SYN1: variants seen among roughly 807,000 people sequenced by gnomAD.
The protein encoded by SYN1 is synapsin I, also known as synapsin-1.
Under a neutral mutation model 44.6 loss-of-function variants are expected in SYN1, and 8 were observed. The observed-to-expected ratio is 0.18, with a 90% CI of 0.11 to 0.32. The LOEUF (loss-of-function observed/expected upper bound fraction) is 0.32. SYN1 is among the 10% of genes least tolerant of loss of function. SYN1 has a pLI of 1.00. For missense variants in SYN1, 451 were observed against 639.4 expected (o/e 0.71, Z 3.18); for synonymous variants, 275 against 280.1 (o/e 0.98, Z 0.18).
chrX:47,618,537 G>A (rs1441519099), intron 1 of SYN1, among the ~76,000 whole-genome samples: 1 of 111,729 alleles, frequency 9.0e-6, no homozygotes, highest in Non-Finnish European at 1.9e-5. Context: ...GTTCAAAACT[G>A]CTCATGGAAC....
chrX:47,599,505 C>T (rs1490548933), intron 5 of SYN1, among the ~76,000 whole-genome samples: 1 of 112,747 alleles, frequency 8.9e-6, no homozygotes, highest in Non-Finnish European at 1.9e-5. Flanking sequence ...CTTCATCCAA[C>T]GACTGTTCAA....
At chrX:47,603,368 T>A (rs1045462296) in intron 5 of SYN1, among the ~76,000 whole-genome samples, 1 of 110,983 alleles carries the variant, frequency 9.0e-6, no homozygotes, top group Non-Finnish European at 1.9e-5. Context: ...GGCTGATTTT[T>A]AAATTTTTTG....
intron 5 of SYN1, among the ~76,000 whole-genome samples, chrX:47,580,699 G>A (rs1396188724): frequency 1.8e-5 from 2 of 110,401 alleles, no homozygotes; most frequent in African/African-American, 3.3e-5. Flanking sequence ...ACTTTGGGAG[G>A]TCGAGGCAGG....
Position 47,572,657 on chromosome X carries a change from C to A in SYN1, c.*207G>T. 2.1e-6 allele frequency: 1 copy of A among 469,735 alleles called. No individual in the cohort carries two copies. Among genetic ancestry groups the A allele is most frequent in the Non-Finnish European group, 3.5e-6 (1 of 283,085 alleles). The allele number at this position is 469,735 out of a possible 1,213,427, so 38.7% of individuals were successfully genotyped here. A position where few individuals can be genotyped will look rare whatever the true frequency, so the allele number is the denominator to read the frequency against. ...GACCACGAGTGGGGTTCTAAAAGGA[C>A]TTGGGGATTCCACATGTGAGAACCG... is the stretch of plus-strand genomic sequence containing the variant. On this transcript the variant is annotated 3_prime_UTR_variant, in exon 13 of 13. Coordinates refer to ENST00000295987, the MANE Select transcript of SYN1 (RefSeq NM_006950.3).
At chrX:47,594,407 A>G (rs2057857617) in intron 5 of SYN1, among the ~76,000 whole-genome samples, 1 of 108,995 alleles carries the variant, frequency 9.2e-6, no homozygotes, top group Admixed American at 9.8e-5. Flanking sequence ...GGTGGCACAC[A>G]CCTGTAGTCC....
chrX:47,619,327 G>A (rs1477778618), intron 1 of SYN1, 25 bp downstream of exon 1: 16 of 1,200,299 alleles, frequency 1.3e-5, no homozygotes, highest in South Asian at 1.8e-5. Flanking sequence ...CAGGCCCACG[G>A]GAGACGTCCG....
intron 1 of SYN1, among the ~76,000 whole-genome samples, chrX:47,616,214 A>G (rs1429133396): frequency 2.7e-5 from 3 of 110,416 alleles, no homozygotes; most frequent in African/African-American, 9.9e-5. Flanking sequence ...TGTCCACCCC[A>G]CCCCACATAT....
chrX:47,610,560 G>C (rs900395734), intron 1 of SYN1, among the ~76,000 whole-genome samples: 1 of 108,905 alleles, frequency 9.2e-6, no homozygotes, highest in Non-Finnish European at 1.9e-5. Context: ...GGAGAGAAAT[G>C]ATCTGTAGAA....
intron 5 of SYN1, among the ~76,000 whole-genome samples, chrX:47,588,114 A>G (rs774448670): frequency 9.8e-5 from 11 of 112,480 alleles, no homozygotes; most frequent in Non-Finnish European, 2.1e-4. Flanking sequence ...GATTTTGAAC[A>G]CACAGTACTC....
chrX:47,610,759 T>A (rs761171637), intron 1 of SYN1, among the ~76,000 whole-genome samples: 1 of 109,604 alleles, frequency 9.1e-6, no homozygotes, highest in Non-Finnish European at 1.9e-5. Flanking sequence ...AAACCTGGAG[T>A]AAACAATGGC....
intron 5 of SYN1, among the ~76,000 whole-genome samples, chrX:47,579,849 G>GCCCCCCCCCCCCCCCCCCCCCCC (rs140381513): frequency 4.0e-4 from 33 of 83,147 alleles, no homozygotes; most frequent in South Asian, 1.4e-3. Flanking sequence ...TGTTTTTGTC[G>GCCCCCCCCCCCCCCCCCCCCCCC]CCCCCCCACC....
intron 1 of SYN1, among the ~76,000 whole-genome samples, chrX:47,614,045 A>G (rs1273847462): frequency 4.5e-5 from 5 of 112,065 alleles, no homozygotes; most frequent in Admixed American, 2.8e-4. Context: ...CCAAGGGGGA[A>G]CACTGCTACC....
intron 1 of SYN1, 30 bp from the exon 2 acceptor site, chrX:47,607,228 T>C (rs756304616): frequency 1.7e-5 from 20 of 1,191,486 alleles, no homozygotes; most frequent in Non-Finnish European, 2.2e-5. Context: ...CATCTGTCAA[T>C]GATGAAATCT....
At chrX:47,598,929 G>A (rs1246583840) in intron 5 of SYN1, among the ~76,000 whole-genome samples, 1 of 111,415 alleles carries the variant, frequency 9.0e-6, no homozygotes, top group African/African-American at 3.3e-5. Flanking sequence ...GCTGAGGCAG[G>A]AGGGTAGCTT....
At chrX:47,573,858 A>C in intron 12 of SYN1, 144 bp downstream of exon 12, 1 of 491,184 alleles carries the variant, frequency 2.0e-6, no homozygotes, top group Non-Finnish European at 2.9e-6. Context: ...GCTTGGGGGA[A>C]GGGCTTGGCT....
Position 47,619,400 on chromosome X carries a change from C to A in SYN1, c.329G>T (p.Gly110Val). Residue 110 changes from glycine (G) to valine (V), a missense_variant, in exon 1 of 13, where the codon GGA becomes GTA. Physicochemically the swap from Gly to Val is moderately radical, Grantham distance 109. Transcript: ENST00000295987. Reference protein sequence around the residue: ...GGGSGGAGRGGAASRVLLVID... With the variant: ...GGGSGGAGRGVAASRVLLVID... ...GACCAGCAGCACCCTGGAGGCGGCT[C>A]CCCCGCGGCCTGCGCCCCCAGAGCC... The A allele has an allele frequency of 8.4e-7, 1 of 1,189,580 alleles. No individual in the cohort carries two copies. The highest frequency in any genetic ancestry group is 1.8e-5 in the South Asian group (1 of 55,259).
chrX:47,574,017 G>T lies in SYN1; in HGVS notation c.1967C>A (p.Pro656Gln). 1 of 1,147,476 alleles carries T rather than the reference G, an allele frequency of 8.7e-7. No individual in the cohort carries two copies. 94.6% of individuals were successfully genotyped at this position (1,147,476 alleles called of 1,213,427 possible). The change falls in exon 12 of 13, where the codon CCG (proline) becomes CAG (glutamine). Residue 656 changes from proline to glutamine, a missense_variant. Pro to Gln is a moderately conservative substitution (Grantham distance 76). This residue lies in a region of SYN1 where 127 missense variants were observed against 154.8 expected (regional missense o/e 0.82). Transcript: ENST00000295987. ...PPATAAAGGP[P>Q]HPQLNKSQSL... ...GTCCCCTTACTTGAGCTGGGGGTGCGGAGGTCCCCCTGCAGCGGCGGTGGC... is the reference window on the plus strand; with the variant it reads ...GTCCCCTTACTTGAGCTGGGGGTGCTGAGGTCCCCCTGCAGCGGCGGTGGC...
chrX:47,606,751 A>ATATATTTTT (rs1345170011), intron 3 of SYN1, among the ~76,000 whole-genome samples, 194 bp downstream of exon 3: 2 of 93,255 alleles, frequency 2.1e-5, no homozygotes, highest in African/African-American at 8.1e-5. Flanking sequence ...ATATATATAT[A>ATATATTTTT]TTTTTTTTTA....
rs2057893852 is a variant in SYN1 at position 47,605,509 on chromosome X, T to C, written c.528-130A>G. On this transcript the variant is annotated intron_variant, in intron 3 of 12. Transcript: ENST00000295987. The stretch of plus-strand genomic sequence containing the variant: ...AAGTGGTTTCTCACCTCTGCACACA[T>C]GTGTGAGCTGTTCCCTCTGCCTAGT... The C allele has an allele frequency of 6.1e-6, 5 of 819,546 alleles. No homozygotes were observed. The East Asian group carries it at 1.7e-4, about 28-fold the overall frequency. 67.5% of individuals were successfully genotyped at this position (819,546 alleles called of 1,213,427 possible). A position where few individuals can be genotyped will look rare whatever the true frequency, so the allele number is the denominator to read the frequency against.
Sources: allele counts gnomAD v4.1 joint callset (sites outside exome capture counted in the v4.1 genomes callset), GRCh38; gene constraint gnomAD v4.1.1; regional missense constraint gnomAD v4.1.1; transcripts MANE v1.5; gene names NCBI Gene and HGNC (gene_info 2026-07-23, HGNC 2026-07-21).